Variants in SNTG2 observed in about 807,000 individuals in gnomAD.
SNTG2 encodes the protein syntrophin gamma 2.
A neutral mutation model predicts 70.9 loss-of-function variants in SNTG2; 74 were observed. The ratio of observed to expected loss-of-function variants is 1.04; its 90% confidence interval spans 0.86 to 1.27. The LOEUF is 1.27. Ranked by LOEUF, SNTG2 falls within the 50% of genes most tolerant of loss-of-function variation. The pLI is 0.00. For synonymous variants in SNTG2, 278 were observed against 273.8 expected (o/e 1.02, Z -0.15); for missense variants, 717 against 690.7 (o/e 1.04, Z -0.43).
At chr2:1,077,759 T>G (rs1664019125) in intron 1 of SNTG2, among the ~76,000 whole-genome samples, 1 of 152,188 alleles carries the variant, frequency 6.6e-6, no homozygotes, top group Non-Finnish European at 1.5e-5. Context: ...TGACTGTTGA[T>G]CTCTCTGGAA....
At chr2:1,284,107 C>T (rs962789563) in intron 14 of SNTG2, among the ~76,000 whole-genome samples, 1 of 152,204 alleles carries the variant, frequency 6.6e-6, no homozygotes, top group East Asian at 1.9e-4. Context: ...GAGTAGGGAG[C>T]GGGCTGCAGC....
In SNTG2 at chr2:1,207,049, G is replaced by A. The variant is rs576180697; in HGVS notation, c.592-2054G>A. 4.6e-5 allele frequency among the ~76,000 whole-genome samples: 7 copies of A among 152,296 alleles called. 2 individuals are homozygous for A. The highest frequency in any genetic ancestry group is 1.7e-4 in the African/African-American group (7 of 41,562). The stretch of plus-strand genomic sequence containing the variant: ...TATTATTGTGCATGCAAATACCACA[G>A]TTAAAATTAAATGTATAGGGATAAT... On this transcript the variant is annotated intron_variant, in intron 8 of 16. Coordinates refer to ENST00000308624, the MANE Select transcript of SNTG2 (RefSeq NM_018968.4).
At chr2:1,364,281 C>T (rs1202840501) in intron 16 of SNTG2, among the ~76,000 whole-genome samples, 2 of 151,702 alleles carry the variant, frequency 1.3e-5, no homozygotes, top group Admixed American at 6.6e-5. Context: ...CATACCCAGC[C>T]ATTGCTAGTA....
chr2:1,034,877 C>G (rs1661046878), intron 1 of SNTG2, among the ~76,000 whole-genome samples: 1 of 152,122 alleles, frequency 6.6e-6, no homozygotes, highest in Non-Finnish European at 1.5e-5. Context: ...ATCTGATGGA[C>G]CTCTAAACAA....
chr2:1,254,796 T>C (rs947865800), intron 12 of SNTG2, among the ~76,000 whole-genome samples: 2 of 152,336 alleles, frequency 1.3e-5, no homozygotes, highest in East Asian at 1.9e-4. Flanking sequence ...AAACCACCCA[T>C]CTTGTCTACC....
At chr2:1,071,552 G>A (rs773623062) in intron 1 of SNTG2, among the ~76,000 whole-genome samples, 4 of 150,914 alleles carry the variant, frequency 2.7e-5, no homozygotes, top group Non-Finnish European at 5.9e-5. Context: ...CCTAATGCTA[G>A]ATGACGAGTT....
chr2:1,360,299 T>G (rs1041365997), intron 16 of SNTG2, among the ~76,000 whole-genome samples: 1 of 152,048 alleles, frequency 6.6e-6, no homozygotes, highest in Non-Finnish European at 1.5e-5. Context: ...TGCTCTGAGC[T>G]CACCTGTGCC....
At chr2:1,229,703 A>T (rs1676061715) in intron 9 of SNTG2, among the ~76,000 whole-genome samples, 1 of 152,114 alleles carries the variant, frequency 6.6e-6, no homozygotes, top group Admixed American at 6.5e-5. Flanking sequence ...AGGGGGTGGG[A>T]GGCTCAGGCG....
chr2:1,007,022 C>A (rs904260946), intron 1 of SNTG2, among the ~76,000 whole-genome samples: 8 of 147,404 alleles, frequency 5.4e-5, no homozygotes, highest in Non-Finnish European at 1.2e-4. Context: ...GAGCGAAACT[C>A]CATCTCAAAT....
At chr2:1,150,031 T>C (rs1055686838) in intron 6 of SNTG2, among the ~76,000 whole-genome samples, 1 of 152,198 alleles carries the variant, frequency 6.6e-6, no homozygotes, top group Admixed American at 6.5e-5. Context: ...GTTATTAAAA[T>C]TGCACTCACA....
chr2:957,457 C>T (rs576035437), intron 1 of SNTG2, among the ~76,000 whole-genome samples: 5 of 152,162 alleles, frequency 3.3e-5, no homozygotes, highest in East Asian at 1.9e-4. Flanking sequence ...ACCTTACGTA[C>T]GTGCAGACAC....
intron 1 of SNTG2, among the ~76,000 whole-genome samples, chr2:1,048,246 A>G (rs903826999): frequency 2.6e-5 from 4 of 152,178 alleles, no homozygotes; most frequent in Admixed American, 2.6e-4. Context: ...TGCAAAGGGA[A>G]AAGTGTCCAA....
At chr2:1,216,027 G>A (rs555937741) in intron 9 of SNTG2, among the ~76,000 whole-genome samples, 1 of 152,286 alleles carries the variant, frequency 6.6e-6, no homozygotes, top group South Asian at 2.1e-4. Flanking sequence ...GTGTGCATGT[G>A]TCTTTATAGC....
chr2:971,754 G>A (rs1231068157), intron 1 of SNTG2, among the ~76,000 whole-genome samples: 5 of 148,326 alleles, frequency 3.4e-5, no homozygotes, highest in African/African-American at 1.2e-4. Flanking sequence ...ATGTTAGGTT[G>A]TTAATTGGAG....
At chr2:984,485 T>A (rs538964812) in intron 1 of SNTG2, among the ~76,000 whole-genome samples, 47 of 152,194 alleles carry the variant, frequency 3.1e-4, no homozygotes, top group African/African-American at 1.1e-3. Context: ...AGATACTCGG[T>A]GCTTCCTTGC....
At chr2:1,264,348 G>C (rs1678610305) in intron 13 of SNTG2, among the ~76,000 whole-genome samples, 1 of 152,180 alleles carries the variant, frequency 6.6e-6, no homozygotes, top group South Asian at 2.1e-4. Flanking sequence ...CATCCCTGTG[G>C]AAGCAATTTC....
chr2:989,679 G>A (rs769337911), intron 1 of SNTG2, among the ~76,000 whole-genome samples: 3 of 152,158 alleles, frequency 2.0e-5, no homozygotes, highest in Non-Finnish European at 2.9e-5. Flanking sequence ...ATTTGCTTTC[G>A]ATAATTCTGG....
chr2:1,020,100 A>G (rs190436607), intron 1 of SNTG2, among the ~76,000 whole-genome samples: 2 of 152,334 alleles, frequency 1.3e-5, no homozygotes, highest in African/African-American at 2.4e-5. Context: ...GTTATTCCCA[A>G]TAGCCATTCA....
rs1346881835 is a variant in SNTG2, at chr2:1,205,200, CT to C, written c.592-3902del. ...TACATGCCTTGAGGAGGCAAAAATG[CT>C]GGGATGATACACAGTTTATATTAAA... On this transcript the variant is annotated intron_variant, in intron 8 of 16. Coordinates refer to ENST00000308624, the MANE Select transcript of SNTG2 (RefSeq NM_018968.4). Among the ~76,000 whole-genome samples, 14 of 152,252 alleles carry C rather than the reference CT, an allele frequency of 9.2e-5. No individual in the cohort carries two copies. In the South Asian group the frequency reaches 2.9e-3, roughly 32 times the overall value.
Sources: allele counts gnomAD v4.1 joint callset (sites outside exome capture counted in the v4.1 genomes callset), GRCh38; gene constraint gnomAD v4.1.1; transcripts MANE v1.5; gene names NCBI Gene and HGNC (gene_info 2026-07-23, HGNC 2026-07-21).